Variants in ZNRF3 observed in about 807,000 individuals in gnomAD.
ZNRF3 encodes the protein E3 ubiquitin-protein ligase ZNRF3.
In ZNRF3, 23 loss-of-function variants were observed where a neutral mutation model predicts 72.5. The observed-to-expected ratio is 0.32, with a 90% confidence interval of 0.23 to 0.45. The LOEUF (loss-of-function observed/expected upper bound fraction) is 0.45. Ranked by LOEUF, ZNRF3 falls within the 20% of genes least tolerant of loss-of-function variation. The pLI is 1.00. For missense variants in ZNRF3, 1,169 were observed against 1,272.1 expected, an observed-to-expected ratio of 0.92 and a Z score of 1.23; for synonymous variants, 610 against 545.3, an observed-to-expected ratio of 1.12 and a Z score of -1.65.
intron 2 of ZNRF3, among the ~76,000 whole-genome samples, chr22:29,004,714 C>T (rs2036210097): frequency 6.6e-6 from 1 of 152,136 alleles, no homozygotes; most frequent in Admixed American, 6.5e-5. Context: ...AGGGCCTCAT[C>T]CTGAGGAGGG....
At chr22:28,985,125 A>G (rs555633927) in intron 1 of ZNRF3, among the ~76,000 whole-genome samples, 1 of 151,788 alleles carries the variant, frequency 6.6e-6, no homozygotes, top group East Asian at 1.9e-4. Context: ...TTTGCCCTCC[A>G]CTCGTTGCTG....
chr22:28,890,582 G>A (rs1488176006), intron 1 of ZNRF3, among the ~76,000 whole-genome samples: 1 of 152,178 alleles, frequency 6.6e-6, no homozygotes, highest in Non-Finnish European at 1.5e-5. Flanking sequence ...GTCTGAAGGT[G>A]TTCTTTTCCT....
Position 29,043,442 on chromosome 22 carries a change from C to T in ZNRF3, c.633+12C>T, listed in dbSNP as rs1359705624. The T allele has an allele frequency of 1.2e-6, 2 of 1,612,522 alleles. No homozygotes were observed. Among genetic ancestry groups the T allele is most frequent in the African/African-American group, 2.7e-5 (2 of 74,880 alleles). On this transcript the variant is annotated intron_variant, in intron 4 of 8. Coordinates refer to ENST00000544604, the MANE Select transcript of ZNRF3 (RefSeq NM_001206998.2). ...ACCGCCCTCCTCGAGTGAGCCTCCG[C>T]ACCATTTGGCACAGGCTCGGGGCCT...
chr22:29,049,416 C>A lies in ZNRF3; in HGVS notation c.1235C>A (p.Thr412Asn), dbSNP rs1469883642. 2 of 1,608,246 alleles carry A rather than the reference C, an allele frequency of 1.2e-6. No homozygotes were observed. The highest frequency in any genetic ancestry group is 2.2e-5 in the East Asian group (1 of 44,860). The change falls in exon 8 of 9, where the codon ACC (threonine) becomes AAC (asparagine). Residue 412 changes from threonine (T) to asparagine (N), a missense_variant. Coordinates refer to ENST00000544604, the MANE Select transcript of ZNRF3 (RefSeq NM_001206998.2). The surrounding 1 kb of genome is among the most constrained non-coding windows in gnomAD (Gnocchi z 5.2). Reference sequence around the variant, plus strand: ...GAGCAGAGCCTCTATTCCCCGCAGACCCCCGCCTACATCCGCAGCTACCCA... The same window carrying A: ...GAGCAGAGCCTCTATTCCCCGCAGAACCCCGCCTACATCCGCAGCTACCCA... ...HGEQSLYSPQ[T>N]PAYIRSYPPL...
chr22:29,030,790 GGGA>G lies in ZNRF3; in HGVS notation c.427-11696_427-11694del, dbSNP rs978528052. On this transcript the variant is annotated intron_variant, in intron 2 of 8. Coordinates refer to ENST00000544604, the MANE Select transcript of ZNRF3 (RefSeq NM_001206998.2). This position sits in a 1 kb window ranked among gnomAD's most constrained non-coding sequence, Gnocchi z 4.2. The stretch of plus-strand genomic sequence containing the variant: ...GGGCGGTACACGACGGGTGGGAGTG[GGGA>G]GGAGGAGGGCTCCTGGCGCGGGGAG... 8.0e-4 allele frequency among the ~76,000 whole-genome samples: 122 copies of G among 152,220 alleles called. No homozygotes were observed. The highest frequency in any genetic ancestry group is 2.7e-3 in the African/African-American group (112 of 41,528).
Position 29,048,151 on chromosome 22 carries a change from G to C in ZNRF3, c.913-238G>C, listed in dbSNP as rs964507683. Among the ~76,000 whole-genome samples the C allele has an allele frequency of 6.6e-6, 1 of 152,166 alleles. No individual in the cohort carries two copies. The highest frequency in any genetic ancestry group is 2.4e-5 in the African/African-American group (1 of 41,436). The stretch of plus-strand genomic sequence containing the variant: ...ACGGGAAAGACGCCTGCCTCTGTGC[G>C]TGCCCACTCCCTTAACACTGAGGAC... On this transcript the variant is annotated intron_variant, in intron 6 of 8. Transcript: ENST00000544604. This position sits in a 1 kb window ranked among gnomAD's most constrained non-coding sequence, Gnocchi z 4.9.
chr22:28,958,523 C>A (rs1474700849), intron 1 of ZNRF3, among the ~76,000 whole-genome samples: 2 of 152,308 alleles, frequency 1.3e-5, no homozygotes, highest in East Asian at 3.9e-4. Flanking sequence ...CTCCTGAGCC[C>A]AGGTTCCTTA....
At chr22:28,922,593 G>T (rs2123770200) in intron 1 of ZNRF3, among the ~76,000 whole-genome samples, 1 of 152,204 alleles carries the variant, frequency 6.6e-6, no homozygotes, top group African/African-American at 2.4e-5. Context: ...GCTTCCACTG[G>T]AATTTTAGGT....
At chr22:29,021,051 C>G (rs1977047) in intron 2 of ZNRF3, among the ~76,000 whole-genome samples, 65,528 of 151,636 alleles carry the variant, frequency 0.43, 14,703 homozygotes, top group Non-Finnish European at 0.49. Context: ...CCACCTCGGC[C>G]TTCCAAAGTG....
At chr22:28,996,292 A>G (rs1450083873) in intron 2 of ZNRF3, among the ~76,000 whole-genome samples, 3 of 152,152 alleles carry the variant, frequency 2.0e-5, no homozygotes, top group Non-Finnish European at 4.4e-5. Flanking sequence ...TTATTCTCTC[A>G]CAAATGTATG....
rs765832141 is a variant in ZNRF3, at chr22:29,050,667, T to C, written c.2486T>C (p.Ile829Thr). 1 of 1,612,432 alleles carries C rather than the reference T, an allele frequency of 6.2e-7. No homozygotes were observed. Among genetic ancestry groups the C allele is most frequent in the Non-Finnish European group, 8.5e-7 (1 of 1,179,596 alleles). Reference sequence around the variant, plus strand: ...GGGGCCCGGGACCTGAGCCAGCGCATCCCCATCATTCCAGAGGATGTGGAC... The same window carrying C: ...GGGGCCCGGGACCTGAGCCAGCGCACCCCCATCATTCCAGAGGATGTGGAC... Reference protein sequence around the residue: ...YPGARDLSQRIPIIPEDVDCD... With the variant: ...YPGARDLSQRTPIIPEDVDCD... Residue 829 changes from isoleucine (I) to threonine (T), a missense_variant, in exon 8 of 9, where the codon ATC (isoleucine) becomes ACC (threonine). Coordinates refer to ENST00000544604, the MANE Select transcript of ZNRF3 (RefSeq NM_001206998.2).
intron 2 of ZNRF3, among the ~76,000 whole-genome samples, chr22:29,032,462 C>T (rs28418814): frequency 6.6e-6 from 1 of 152,222 alleles, no homozygotes; most frequent in African/African-American, 2.4e-5. Flanking sequence ...GACACGATGT[C>T]TGCATTCGAA....
At chr22:28,892,378 G>T (rs75987397) in intron 1 of ZNRF3, among the ~76,000 whole-genome samples, 2,371 of 152,306 alleles carry the variant, frequency 0.016, 69 homozygotes, top group African/African-American at 0.055. Flanking sequence ...AGAACACCTG[G>T]GGGAGGGAAT....
intron 2 of ZNRF3, among the ~76,000 whole-genome samples, chr22:29,014,118 TAAAGTCACACAGCC>T (rs927795173): frequency 1.3e-3 from 197 of 152,262 alleles, no homozygotes; most frequent in African/African-American, 4.3e-3. Context: ...GTCATTGCTG[TAAAGTCACACAGCC>T]AAAGTCACAC....
rs1487062558 is a variant in ZNRF3, at chr22:28,893,536, C to T, written c.300+9470C>T. Among the ~76,000 whole-genome samples the T allele has an allele frequency of 2.7e-5, 4 of 149,754 alleles. No individual in the cohort carries two copies. The East Asian group carries it at 5.9e-4, about 22-fold the overall frequency. ...TTTTCGAGACAAGTTCTGGCTCTAT[C>T]GCCCAGGCTGGAGTGCAGTGGCGTG... On this transcript the variant is annotated intron_variant, in intron 1 of 8. Transcript: ENST00000544604.
At chr22:28,952,824 A>G (rs950546834) in intron 1 of ZNRF3, among the ~76,000 whole-genome samples, 1 of 152,254 alleles carries the variant, frequency 6.6e-6, no homozygotes, top group African/African-American at 2.4e-5. Flanking sequence ...GTTACAAAGA[A>G]ATAAAAGAGG....
At chr22:28,912,999 T>A (rs2034347056) in intron 1 of ZNRF3, among the ~76,000 whole-genome samples, 2 of 152,188 alleles carry the variant, frequency 1.3e-5, no homozygotes. Context: ...CCGATTTGAG[T>A]CTTTACTGAG....
intron 1 of ZNRF3, among the ~76,000 whole-genome samples, chr22:28,897,780 T>C (rs1474464939): frequency 6.6e-6 from 1 of 152,220 alleles, no homozygotes; most frequent in Non-Finnish European, 1.5e-5. Context: ...GTTCCACCAG[T>C]GTGTTCCTTT....
At chr22:28,969,997 G>A (rs1337432579) in intron 1 of ZNRF3, among the ~76,000 whole-genome samples, 2 of 152,194 alleles carry the variant, frequency 1.3e-5, no homozygotes, top group East Asian at 1.9e-4. Flanking sequence ...GGAATGAAAT[G>A]CCATTACTTG....
Sources: allele counts gnomAD v4.1 joint callset (sites outside exome capture counted in the v4.1 genomes callset), GRCh38; gene constraint gnomAD v4.1.1; non-coding constraint Gnocchi (gnomAD v3.1); transcripts MANE v1.5; gene names NCBI Gene and HGNC (gene_info 2026-07-23, HGNC 2026-07-21).